Variants in TMEM117 observed in about 807,000 individuals in gnomAD.
The protein encoded by TMEM117 is transmembrane protein 117.
TMEM117 carries 27 observed loss-of-function variants against 52.4 expected under a neutral mutation model. That is an observed-to-expected ratio of 0.51 (90% CI 0.38 to 0.71). TMEM117 has a LOEUF of 0.71. Among genes scored for constraint, TMEM117 ranks in the 30% least tolerant of loss-of-function variants. The pLI, the probability that TMEM117 is intolerant of heterozygous loss-of-function variation, is 0.00. For synonymous variants in TMEM117, 215 were observed against 206.3 expected, an observed-to-expected ratio of 1.04 and a Z score of -0.36; for missense variants, 556 against 630.5, an observed-to-expected ratio of 0.88 and a Z score of 1.26.
intron 3 of TMEM117, among the ~76,000 whole-genome samples, chr12:44,133,011 T>C (rs1309371631): frequency 6.6e-6 from 1 of 152,160 alleles, no homozygotes; most frequent in Non-Finnish European, 1.5e-5. Flanking sequence ...AAGTGAAAAG[T>C]GAGTTTTCCA....
At chr12:44,316,483 T>C (rs1951056273) in intron 6 of TMEM117, among the ~76,000 whole-genome samples, 1 of 152,168 alleles carries the variant, frequency 6.6e-6, no homozygotes, top group Non-Finnish European at 1.5e-5. Flanking sequence ...TTGTGCATGG[T>C]CTGAACTTTT....
At chr12:44,230,804 C>A (rs1429807486) in intron 5 of TMEM117, among the ~76,000 whole-genome samples, 1 of 151,906 alleles carries the variant, frequency 6.6e-6, no homozygotes, top group Non-Finnish European at 1.5e-5. Context: ...TTCTCTTTGA[C>A]ATTCTTTGCT....
At chr12:44,147,588 G>A (rs896823001) in intron 4 of TMEM117, among the ~76,000 whole-genome samples, 2 of 152,066 alleles carry the variant, frequency 1.3e-5, no homozygotes, top group African/African-American at 2.4e-5. Context: ...CCAGGTTTGA[G>A]GTTCTTGTTG....
chr12:44,170,308 G>C (rs1354711373), intron 4 of TMEM117, among the ~76,000 whole-genome samples: 3 of 104,246 alleles, frequency 2.9e-5, no homozygotes, highest in South Asian at 4.2e-4. Flanking sequence ...GTGGGGGGAG[G>C]GGGGAGGGAT....
At chr12:44,152,482 T>A (rs997298733) in intron 4 of TMEM117, among the ~76,000 whole-genome samples, 4,644 of 116,196 alleles carry the variant, frequency 0.04, 145 homozygotes, top group African/African-American at 0.063. Context: ...ATATCATATA[T>A]AAATTTTTAT....
At chr12:44,038,671 C>T (rs140593122) in intron 3 of TMEM117, among the ~76,000 whole-genome samples, 1,795 of 152,256 alleles carry the variant, frequency 0.012, 27 homozygotes, top group African/African-American at 0.04. Flanking sequence ...TTCCAGCTGG[C>T]GAATCAACAC....
chr12:44,371,237 T>A (rs1951859999), intron 6 of TMEM117, among the ~76,000 whole-genome samples: 1 of 152,172 alleles, frequency 6.6e-6, no homozygotes, highest in Non-Finnish European at 1.5e-5. Context: ...TTTGGTAGAA[T>A]GATGTTATGA....
chr12:44,180,955 T>G (rs1354306168), intron 4 of TMEM117, among the ~76,000 whole-genome samples: 1 of 152,052 alleles, frequency 6.6e-6, no homozygotes. Context: ...TTGAACTAGT[T>G]TACATTCCCA....
At chr12:44,289,743 AG>A (rs1950681950) in intron 5 of TMEM117, among the ~76,000 whole-genome samples, 1 of 151,674 alleles carries the variant, frequency 6.6e-6, no homozygotes, top group Non-Finnish European at 1.5e-5. Context: ...TAGTAGAGAC[AG>A]GGTTTCACTA....
intron 5 of TMEM117, among the ~76,000 whole-genome samples, chr12:44,272,279 A>G (rs528790119): frequency 6.6e-6 from 1 of 152,244 alleles, no homozygotes; most frequent in South Asian, 2.1e-4. Context: ...AAAGCCCAGG[A>G]CCTAATCACT....
intron 5 of TMEM117, among the ~76,000 whole-genome samples, chr12:44,253,118 T>G (rs1000240153): frequency 1.3e-5 from 2 of 152,232 alleles, no homozygotes; most frequent in African/African-American, 4.8e-5. Context: ...TCTAACATTA[T>G]CTTTCTACTT....
At chr12:44,255,285 G>GA (rs1280957982) in intron 5 of TMEM117, among the ~76,000 whole-genome samples, 5 of 151,806 alleles carry the variant, frequency 3.3e-5, no homozygotes, top group Middle Eastern at 3.4e-3. Context: ...AAATTTACAA[G>GA]AAAAAAACAA....
chr12:44,034,434 G>A (rs999556980), intron 3 of TMEM117, among the ~76,000 whole-genome samples: 1 of 152,168 alleles, frequency 6.6e-6, no homozygotes, highest in African/African-American at 2.4e-5. Flanking sequence ...GATATTAACA[G>A]TATAAATAAT....
chr12:43,911,859 G>C (rs2137533959), intron 2 of TMEM117, among the ~76,000 whole-genome samples: 1 of 151,426 alleles, frequency 6.6e-6, no homozygotes, highest in South Asian at 2.1e-4. Context: ...AGGTGCTGGA[G>C]AGGCTGTGGA....
chr12:44,382,337 A>G (rs1952032365), intron 7 of TMEM117, among the ~76,000 whole-genome samples: 1 of 152,190 alleles, frequency 6.6e-6, no homozygotes, highest in Non-Finnish European at 1.5e-5. Flanking sequence ...TGAAACATGA[A>G]CATTTTGCTT....
chr12:44,366,255 G>A (rs1374920778), intron 6 of TMEM117, among the ~76,000 whole-genome samples: 4 of 151,874 alleles, frequency 2.6e-5, no homozygotes, highest in South Asian at 4.2e-4. Flanking sequence ...GGATTGTGTC[G>A]GTATAAAGAT....
chr12:44,093,273 A>G (rs1947704432), intron 3 of TMEM117, among the ~76,000 whole-genome samples: 1 of 152,158 alleles, frequency 6.6e-6, no homozygotes, highest in African/African-American at 2.4e-5. Flanking sequence ...ACAGCTCCCC[A>G]GAGTATAAAG....
chr12:44,276,844 C>T (rs571531717), intron 5 of TMEM117, among the ~76,000 whole-genome samples: 2 of 151,086 alleles, frequency 1.3e-5, no homozygotes, highest in African/African-American at 2.4e-5. Context: ...ATTAGCTAGA[C>T]CTGTTTTTTT....
intron 2 of TMEM117, among the ~76,000 whole-genome samples, chr12:43,912,448 GTAAC>G (rs1355803009): frequency 6.7e-6 from 1 of 149,142 alleles, no homozygotes; most frequent in African/African-American, 2.6e-5. Context: ...GTATACGTAT[GTAAC>G]TAACCTGCGC....
Sources: allele counts gnomAD v4.1 joint callset (sites outside exome capture counted in the v4.1 genomes callset), GRCh38; gene constraint gnomAD v4.1.1; transcripts MANE v1.5; gene names NCBI Gene and HGNC (gene_info 2026-07-23, HGNC 2026-07-21).